The following PPP3CB variants were observed in gnomAD, a reference collection of about 807,000 sequenced individuals.
The protein encoded by PPP3CB is protein phosphatase 3 catalytic subunit beta.
In PPP3CB, 8 loss-of-function variants were observed where a neutral mutation model predicts 66.4. The ratio of observed to expected loss-of-function variants is 0.12; its 90% CI spans 0.07 to 0.22. PPP3CB has a LOEUF of 0.22. Among genes scored for constraint, PPP3CB ranks in the 10% least tolerant of loss-of-function variants. PPP3CB has a pLI of 1.00. For missense variants in PPP3CB, 319 were observed against 642.5 expected (o/e 0.50, Z 5.44); for synonymous variants, 208 against 221.2 (o/e 0.94, Z 0.53).
chr10:73,475,914 T>C (rs970283371), intron 3 of PPP3CB, among the ~76,000 whole-genome samples: 2 of 152,156 alleles, frequency 1.3e-5, no homozygotes, highest in African/African-American at 4.8e-5. Flanking sequence ...TGGAGTGCAA[T>C]GGCACAATTA....
intron 9 of PPP3CB, among the ~76,000 whole-genome samples, chr10:73,464,796 G>T (rs768950858): frequency 3.8e-4 from 58 of 152,084 alleles, no homozygotes; most frequent in Middle Eastern, 3.4e-3. Context: ...GCCAGGTGTG[G>T]TACAGCATGC....
At chr10:73,441,437 C>A (rs1419704938) in intron 12 of PPP3CB, among the ~76,000 whole-genome samples, 1 of 150,046 alleles carries the variant, frequency 6.7e-6, no homozygotes, top group Non-Finnish European at 1.5e-5. Flanking sequence ...CATCTCCCCC[C>A]AAAAAAAGTT....
rs748078649 is a variant in PPP3CB at position 73,479,330 on chromosome 10, T to C, written c.273A>G (p.Glu91=). 1.5e-5 allele frequency: 25 copies of C among 1,613,798 alleles called. No individual in the cohort carries two copies. The highest frequency in any genetic ancestry group is 1.9e-5 in the Non-Finnish European group (22 of 1,179,824). ...GAATAAGCTTACCTGTGATTGGAGC[T>C]TCTACTTCTATCATGGTTTTCTCTC... ...LRREKTMIEV[E]APITVCGDIH... Residue 91 remains glutamate, a synonymous_variant, in exon 2 of 14, where the codon GAA becomes GAG. Transcript: ENST00000360663.
At chr10:73,447,763 A>T (rs1244538796) in intron 10 of PPP3CB, among the ~76,000 whole-genome samples, 1 of 152,182 alleles carries the variant, frequency 6.6e-6, no homozygotes, top group Non-Finnish European at 1.5e-5. Context: ...GGAAAAAAAT[A>T]GGCTCCATGA....
chr10:73,479,560 A>G (rs2056842395), intron 1 of PPP3CB, 43 bp from the exon 2 acceptor site: 1 of 1,555,012 alleles, frequency 6.4e-7, no homozygotes, highest in African/African-American at 1.4e-5. Flanking sequence ...CACCAAAAAT[A>G]CATTAACTTA....
At chr10:73,495,306 C>T (rs2057173453) in intron 1 of PPP3CB, among the ~76,000 whole-genome samples, 1 of 152,228 alleles carries the variant, frequency 6.6e-6, no homozygotes, top group Admixed American at 6.5e-5. Flanking sequence ...AAAGTGAACC[C>T]CTGCGGTTGT....
intron 10 of PPP3CB, among the ~76,000 whole-genome samples, chr10:73,453,432 AT>A (rs1202875095): frequency 6.6e-6 from 1 of 151,990 alleles, no homozygotes; most frequent in East Asian, 1.9e-4. Context: ...GTATATATAT[AT>A]TTTTTTAATA....
intron 13 of PPP3CB, among the ~76,000 whole-genome samples, chr10:73,438,931 GAGGTCA>G (rs771280807): frequency 6.6e-6 from 1 of 152,084 alleles, no homozygotes; most frequent in African/African-American, 2.4e-5. Context: ...AACTATCTTG[GAGGTCA>G]AGGTCAGCCC....
At chr10:73,470,327 G>A (rs1223600258) in intron 8 of PPP3CB, among the ~76,000 whole-genome samples, 6 of 152,132 alleles carry the variant, frequency 3.9e-5, no homozygotes, top group Non-Finnish European at 7.4e-5. Flanking sequence ...AGTAGACAGT[G>A]CAAATAAAAT....
chr10:73,466,703 C>G (rs891612575), intron 9 of PPP3CB, among the ~76,000 whole-genome samples: 1 of 152,134 alleles, frequency 6.6e-6, no homozygotes, highest in Non-Finnish European at 1.5e-5. Context: ...AATTTCAGAA[C>G]TACAAATTGC....
chr10:73,445,749 CTTT>C (rs1208013891), intron 11 of PPP3CB, among the ~76,000 whole-genome samples: 1 of 129,606 alleles, frequency 7.7e-6, no homozygotes, highest in Non-Finnish European at 1.6e-5. Context: ...CCTAAGTACC[CTTT>C]TTTTTTTTTT....
intron 4 of PPP3CB, 46 bp downstream of exon 4, chr10:73,474,873 A>G (rs1184779926): frequency 1.2e-6 from 2 of 1,603,230 alleles, no homozygotes; most frequent in Admixed American, 1.7e-5. Context: ...ACTTAAGTCC[A>G]AAAGAATACT....
chr10:73,469,464 C>A (rs907660888), intron 8 of PPP3CB, among the ~76,000 whole-genome samples: 3 of 152,196 alleles, frequency 2.0e-5, no homozygotes, highest in African/African-American at 7.2e-5. Flanking sequence ...ATTGCTTGAA[C>A]CCAGGATGCA....
At chr10:73,481,805 T>G (rs2056883994) in intron 1 of PPP3CB, among the ~76,000 whole-genome samples, 2 of 134,784 alleles carry the variant, frequency 1.5e-5, no homozygotes, top group South Asian at 4.3e-4. Flanking sequence ...TAATCCCTCT[T>G]TTTTTTTTTA....
At chr10:73,445,631 T>G (rs1413227089) in intron 11 of PPP3CB, among the ~76,000 whole-genome samples, 4 of 151,298 alleles carry the variant, frequency 2.6e-5, no homozygotes, top group African/African-American at 9.7e-5. Context: ...TTCTTTTTTG[T>G]GGAGATGGGG....
chr10:73,464,255 T>A lies in PPP3CB; in HGVS notation c.1108+3298A>T, dbSNP rs2056580381. 3.3e-5 allele frequency among the ~76,000 whole-genome samples: 5 copies of A among 152,214 alleles called. 1 individual carries two copies. The South Asian group carries it at 1.0e-3, about 32-fold the overall frequency. On this transcript the variant is annotated intron_variant, in intron 9 of 13. Coordinates refer to ENST00000360663, the MANE Select transcript of PPP3CB (RefSeq NM_021132.4). ...AAGCCACCACGCCCAGCCATCTCAA[T>A]TCCTATAAAACTACGCTTGTCTTGG...
At chr10:73,483,588 T>C (rs539687351) in intron 1 of PPP3CB, among the ~76,000 whole-genome samples, 13 of 151,036 alleles carry the variant, frequency 8.6e-5, no homozygotes, top group Non-Finnish European at 1.0e-4. Context: ...ACCGAAGAGG[T>C]GAAGGTTGCA....
chr10:73,458,558 C>A (rs1369884710), intron 9 of PPP3CB, among the ~76,000 whole-genome samples: 4 of 151,884 alleles, frequency 2.6e-5, no homozygotes, highest in African/African-American at 2.4e-5. Context: ...CCCTAGCACC[C>A]TGGGAGGCCA....
At chr10:73,461,499 A>G (rs2056520665) in intron 9 of PPP3CB, among the ~76,000 whole-genome samples, 1 of 152,162 alleles carries the variant, frequency 6.6e-6, no homozygotes, top group African/African-American at 2.4e-5. Context: ...TCAGACTTGC[A>G]TAGTGTCTGA....
Sources: gnomAD v4.1 joint callset for allele counts (sites outside exome capture counted in the v4.1 genomes callset) on GRCh38, gnomAD v4.1.1 for gene constraint, MANE v1.5 for transcripts, NCBI Gene and HGNC (gene_info 2026-07-23, HGNC 2026-07-21) for gene names.